COL8A1: variants seen among roughly 807,000 people sequenced by gnomAD.
COL8A1 encodes the protein collagen type VIII alpha 1 chain.
A neutral mutation model predicts 42.7 loss-of-function variants in COL8A1; 21 were observed. The observed-to-expected ratio is 0.49, with a 90% CI of 0.35 to 0.71. The LOEUF (loss-of-function observed/expected upper bound fraction) is 0.71, where lower values mean the gene tolerates loss of function less well. COL8A1 is among the 30% of genes least tolerant of loss of function. COL8A1 has a pLI of 0.01. For missense variants in COL8A1, 788 were observed against 962.4 expected, an observed-to-expected ratio of 0.82 and a Z score of 2.40; for synonymous variants, 367 against 369.1, an observed-to-expected ratio of 0.99 and a Z score of 0.06.
chr3:99,685,123 T>C (rs1395980281), intron 1 of COL8A1, among the ~76,000 whole-genome samples: 1 of 152,094 alleles, frequency 6.6e-6, no homozygotes, highest in African/African-American at 2.4e-5. Context: ...AAAAATGACA[T>C]CAACCAACTA....
chr3:99,695,547 G>T (rs1431971382), intron 1 of COL8A1, among the ~76,000 whole-genome samples: 1 of 151,934 alleles, frequency 6.6e-6, no homozygotes. Context: ...AGCTGGATTG[G>T]ATGTTCTTTC....
chr3:99,652,720 T>C (rs1419743471), intron 1 of COL8A1, among the ~76,000 whole-genome samples: 3 of 152,210 alleles, frequency 2.0e-5, no homozygotes, highest in African/African-American at 4.8e-5. Context: ...GCAGCTAACA[T>C]GTCTTGATGG....
chr3:99,772,719 G>A (rs1314790495), intron 2 of COL8A1, among the ~76,000 whole-genome samples: 1 of 152,152 alleles, frequency 6.6e-6, no homozygotes, highest in Non-Finnish European at 1.5e-5. Flanking sequence ...GGATCTCAAG[G>A]AGTAACCCCA....
At chr3:99,722,896 C>T (rs780703154) in intron 1 of COL8A1, among the ~76,000 whole-genome samples, 13 of 151,852 alleles carry the variant, frequency 8.6e-5, no homozygotes, top group Non-Finnish European at 1.8e-4. Flanking sequence ...AACACATTTA[C>T]CTGTTAATAT....
At chr3:99,739,981 C>T (rs757215343) in intron 1 of COL8A1, among the ~76,000 whole-genome samples, 1 of 152,162 alleles carries the variant, frequency 6.6e-6, no homozygotes, top group African/African-American at 2.4e-5. Context: ...ATTTCTTCCA[C>T]CAGATACCCT....
chr3:99,782,876 C>T (rs1214259064), intron 2 of COL8A1, among the ~76,000 whole-genome samples: 1 of 152,062 alleles, frequency 6.6e-6, no homozygotes, highest in East Asian at 1.9e-4. Flanking sequence ...ATTTTCTGCT[C>T]TGAAAGCAAT....
At chr3:99,706,300 C>T (rs891262811) in intron 1 of COL8A1, among the ~76,000 whole-genome samples, 3 of 152,274 alleles carry the variant, frequency 2.0e-5, no homozygotes, top group Admixed American at 6.5e-5. Flanking sequence ...ATTTTCCTAA[C>T]ATAATCTTAT....
chr3:99,690,756 A>G (rs1939194488), intron 1 of COL8A1, among the ~76,000 whole-genome samples: 1 of 152,212 alleles, frequency 6.6e-6, no homozygotes, highest in Non-Finnish European at 1.5e-5. Context: ...GTTGTAGCTG[A>G]TATCACCTGA....
chr3:99,795,827 C>T lies in COL8A1; in HGVS notation c.1926C>T (p.Gly642=). The T allele has an allele frequency of 6.2e-7, 1 of 1,614,212 alleles. No individual in the cohort carries two copies. The highest frequency in any genetic ancestry group is 8.5e-7 in the Non-Finnish European group (1 of 1,180,020). The change falls in exon 4 of 4, where the codon GGC becomes GGT. Residue 642 remains glycine (G), a synonymous_variant. Coordinates refer to ENST00000652472, the MANE Select transcript of COL8A1 (RefSeq NM_020351.4). ...PVKFNKLLYN[G]RQNYNPQTGI... is the part of the protein sequence containing the mutation. ...AGTTTAACAAACTGCTGTATAACGG[C>T]AGACAGAACTACAACCCGCAGACAG...
At chr3:99,669,146 T>TATATATAG in intron 1 of COL8A1, among the ~76,000 whole-genome samples, 6 of 115,364 alleles carry the variant, frequency 5.2e-5, no homozygotes, top group East Asian at 3.1e-4. Flanking sequence ...TATATATATA[T>TATATATAG]AGAGGGAGAG....
chr3:99,756,207 C>T (rs1019343455), intron 2 of COL8A1, among the ~76,000 whole-genome samples: 2 of 151,658 alleles, frequency 1.3e-5, no homozygotes, highest in Non-Finnish European at 2.9e-5. Context: ...GGGGTAGAAT[C>T]ATTTTCTGAA....
Position 99,763,627 on chromosome 3 carries a change from G to GA in COL8A1, c.-4+18616dup, listed in dbSNP as rs914801212. Among the ~76,000 whole-genome samples, 27 of 145,858 alleles carry GA rather than the reference G, an allele frequency of 1.9e-4. No homozygotes were observed. The East Asian group carries it at 2.2e-3, about 12-fold the overall frequency. ...AAAATGAGGCACAAAAACATTTTTG[G>GA]AAAAAAAAAACAAACTTTCCCTAAA... On this transcript the variant is annotated intron_variant, in intron 2 of 3. Transcript: ENST00000652472.
chr3:99,732,898 A>G (rs1940562866), intron 1 of COL8A1, among the ~76,000 whole-genome samples: 1 of 152,064 alleles, frequency 6.6e-6, no homozygotes, highest in African/African-American at 2.4e-5. Context: ...GGGAAAATAC[A>G]CCCTTTCCAA....
At chr3:99,714,907 T>C (rs1184221899) in intron 1 of COL8A1, among the ~76,000 whole-genome samples, 6 of 152,120 alleles carry the variant, frequency 3.9e-5, no homozygotes, top group South Asian at 2.1e-4. Flanking sequence ...CTTTAGCTAT[T>C]TTATTTAGGA....
intron 1 of COL8A1, among the ~76,000 whole-genome samples, chr3:99,725,975 T>G (rs1940305273): frequency 6.6e-6 from 1 of 152,160 alleles, no homozygotes; most frequent in Non-Finnish European, 1.5e-5. Context: ...TTCTAGATCC[T>G]TGAGGAATCG....
intron 1 of COL8A1, among the ~76,000 whole-genome samples, chr3:99,714,811 C>T (rs1040675227): frequency 2.6e-5 from 4 of 151,888 alleles, no homozygotes; most frequent in African/African-American, 4.8e-5. Context: ...TTTCAGATGA[C>T]GAGTGCCATA....
intron 1 of COL8A1, among the ~76,000 whole-genome samples, chr3:99,727,955 A>T (rs1359726037): frequency 1.3e-5 from 2 of 151,134 alleles, no homozygotes; most frequent in African/African-American, 4.9e-5. Flanking sequence ...TTCATGCTAA[A>T]AACTCTCAAT....
At chr3:99,777,640 G>A (rs1286249126) in intron 2 of COL8A1, among the ~76,000 whole-genome samples, 2 of 152,296 alleles carry the variant, frequency 1.3e-5, no homozygotes, top group Admixed American at 6.5e-5. Context: ...ACTGAAAGAT[G>A]GTAAGTTTGT....
In COL8A1 at chr3:99,734,866, A is replaced by G. The variant is rs180866326; in HGVS notation, c.-128-10031A>G. Among the ~76,000 whole-genome samples, 3 of 152,252 alleles carry G rather than the reference A, an allele frequency of 2.0e-5. No individual in the cohort carries two copies. In the East Asian group the frequency reaches 5.8e-4, roughly 29 times the overall value. On this transcript the variant is annotated intron_variant, in intron 1 of 3. Coordinates refer to ENST00000652472, the MANE Select transcript of COL8A1 (RefSeq NM_020351.4). ...AGTTCTCCTTGAAGAGGTCCTTCAC[A>G]TCCCTTGTAAGTTGGATTCCTAGGT...
Sources: allele counts gnomAD v4.1 joint callset (sites outside exome capture counted in the v4.1 genomes callset), GRCh38; gene constraint gnomAD v4.1.1; transcripts MANE v1.5; gene names NCBI Gene and HGNC (gene_info 2026-07-23, HGNC 2026-07-21).